Variants in GMDS observed in about 807,000 individuals in gnomAD.
GMDS encodes GDP-mannose 4,6-dehydratase.
Under a neutral mutation model 49.9 loss-of-function variants are expected in GMDS, and 20 were observed. The ratio of observed to expected loss-of-function variants is 0.40; its 90% CI spans 0.28 to 0.58. The LOEUF (loss-of-function observed/expected upper bound fraction) is 0.58. GMDS is among the 20% of genes least tolerant of loss of function. The pLI, the probability that GMDS is intolerant of heterozygous loss-of-function variation, is 0.42. For synonymous variants in GMDS, 177 were observed against 178.6 expected (o/e 0.99, Z 0.07); for missense variants, 362 against 481.4 (o/e 0.75, Z 2.32).
At chr6:1,705,870 C>T (rs115745686) in intron 9 of GMDS, among the ~76,000 whole-genome samples, 1,549 of 152,270 alleles carry the variant, frequency 0.01, 32 homozygotes, top group African/African-American at 0.033. Context: ...GGCGGCTGGG[C>T]ACCCAGCAAT....
At chr6:1,924,391 G>A (rs1761888414) in intron 7 of GMDS, among the ~76,000 whole-genome samples, 1 of 152,146 alleles carries the variant, frequency 6.6e-6, no homozygotes, top group African/African-American at 2.4e-5. Context: ...GCTGTAGCAG[G>A]AAAACCTCTT....
intron 6 of GMDS, among the ~76,000 whole-genome samples, chr6:1,934,033 A>C (rs1391510155): frequency 6.6e-6 from 1 of 152,100 alleles, no homozygotes; most frequent in Non-Finnish European, 1.5e-5. Context: ...ATTTTTGATC[A>C]ATTTTTAGTA....
At chr6:1,647,785 G>T (rs1423833338) in intron 9 of GMDS, among the ~76,000 whole-genome samples, 1 of 152,150 alleles carries the variant, frequency 6.6e-6, no homozygotes, top group Non-Finnish European at 1.5e-5. Context: ...GGCCGGAGTG[G>T]GGGAAGGACA....
chr6:2,027,779 A>G (rs893833178), intron 4 of GMDS, among the ~76,000 whole-genome samples: 1 of 152,224 alleles, frequency 6.6e-6, no homozygotes, highest in Non-Finnish European at 1.5e-5. Flanking sequence ...TATTAAAAAT[A>G]TATTTTTAAC....
intron 4 of GMDS, among the ~76,000 whole-genome samples, chr6:2,073,283 A>AC (rs1469688273): frequency 6.6e-6 from 1 of 152,240 alleles, no homozygotes; most frequent in Non-Finnish European, 1.5e-5. Flanking sequence ...AAAAGAAGCC[A>AC]CTTACCAGAT....
intron 7 of GMDS, among the ~76,000 whole-genome samples, chr6:1,837,508 A>C (rs1402445687): frequency 6.6e-6 from 1 of 152,106 alleles, no homozygotes; most frequent in Non-Finnish European, 1.5e-5. Context: ...AGTGTTGGTA[A>C]GTGTGGTGTA....
intron 7 of GMDS, among the ~76,000 whole-genome samples, chr6:1,856,280 T>C (rs912310): frequency 0.21 from 31,913 of 152,122 alleles, 4,206 homozygotes; most frequent in Admixed American, 0.32. Flanking sequence ...TCTTTATAAT[T>C]CACACAGGCT....
At chr6:1,676,164 A>T (rs1764616747) in intron 9 of GMDS, among the ~76,000 whole-genome samples, 1 of 152,230 alleles carries the variant, frequency 6.6e-6, no homozygotes, top group Non-Finnish European at 1.5e-5. Context: ...CCAAATCATG[A>T]GTGAACTCCC....
chr6:2,033,519 A>C (rs565356179), intron 4 of GMDS, among the ~76,000 whole-genome samples: 4 of 152,338 alleles, frequency 2.6e-5, no homozygotes, highest in Admixed American at 1.3e-4. Context: ...CTGTCTTCTT[A>C]AACCTTTTGT....
chr6:1,722,257 A>ATTATTATTT (rs1395751269), intron 9 of GMDS, among the ~76,000 whole-genome samples: 2 of 117,126 alleles, frequency 1.7e-5, no homozygotes, highest in Admixed American at 9.5e-5. Flanking sequence ...TAGTAGTAGT[A>ATTATTATTT]GTAGTATTTT....
At position 2,104,231 on chromosome 6, in the gene GMDS, G is replaced by C. The variant is rs183836957; in HGVS notation, c.345+11540C>G. Among the ~76,000 whole-genome samples the C allele has an allele frequency of 4.6e-5, 7 of 152,280 alleles. No individual in the cohort carries two copies. The East Asian group carries it at 9.7e-4, about 21-fold the overall frequency. ...TTAGCTGATTTCAATCATCTTACAGGAGTGGATGACATACCTTAAAAGATT... is the reference window on the plus strand; with the variant it reads ...TTAGCTGATTTCAATCATCTTACAGCAGTGGATGACATACCTTAAAAGATT... On this transcript the variant is annotated intron_variant, in intron 4 of 10. Transcript: ENST00000380815.
At chr6:1,950,068 T>C (rs950646618) in intron 6 of GMDS, among the ~76,000 whole-genome samples, 3 of 152,370 alleles carry the variant, frequency 2.0e-5, no homozygotes, top group Non-Finnish European at 4.4e-5. Flanking sequence ...TTAAAGATTA[T>C]TTTATTTAGA....
intron 7 of GMDS, among the ~76,000 whole-genome samples, chr6:1,812,161 G>C (rs1770456760): frequency 6.6e-6 from 1 of 152,170 alleles, no homozygotes; most frequent in Non-Finnish European, 1.5e-5. Flanking sequence ...ACTCACAGAG[G>C]CAACATTTTA....
At chr6:1,804,164 T>C (rs752055783) in intron 7 of GMDS, among the ~76,000 whole-genome samples, 6 of 152,274 alleles carry the variant, frequency 3.9e-5, no homozygotes, top group Non-Finnish European at 8.8e-5. Flanking sequence ...GTTTCCTTTT[T>C]GTCTTCATTC....
intron 4 of GMDS, among the ~76,000 whole-genome samples, chr6:2,035,884 A>C (rs980217191): frequency 1.3e-5 from 2 of 152,006 alleles, no homozygotes; most frequent in Admixed American, 1.3e-4. Flanking sequence ...ACGGGGTTTC[A>C]CCATGTTGGC....
chr6:1,787,369 T>C (rs1769366073), intron 7 of GMDS, among the ~76,000 whole-genome samples: 1 of 152,202 alleles, frequency 6.6e-6, no homozygotes, highest in Admixed American at 6.5e-5. Flanking sequence ...TTTTATTTAA[T>C]GAGTCTCCAC....
chr6:1,705,259 C>T (rs529495042), intron 9 of GMDS, among the ~76,000 whole-genome samples: 8 of 152,258 alleles, frequency 5.3e-5, no homozygotes, highest in African/African-American at 1.2e-4. Context: ...CCAAAGCCTC[C>T]GGAGAGCTTG....
intron 7 of GMDS, among the ~76,000 whole-genome samples, chr6:1,818,832 C>T (rs1770775676): frequency 6.6e-6 from 1 of 151,998 alleles, no homozygotes; most frequent in Non-Finnish European, 1.5e-5. Flanking sequence ...GTTTAAACTC[C>T]AGGTCCACTA....
intron 6 of GMDS, among the ~76,000 whole-genome samples, chr6:1,948,782 T>C (rs553103259): frequency 5.3e-5 from 8 of 152,356 alleles, no homozygotes; most frequent in African/African-American, 1.2e-4. Context: ...CTAATTCAAA[T>C]GTTAACTGGT....
Sources: gnomAD v4.1 joint callset for allele counts (sites outside exome capture counted in the v4.1 genomes callset) on GRCh38, gnomAD v4.1.1 for gene constraint, MANE v1.5 for transcripts, NCBI Gene and HGNC (gene_info 2026-07-23, HGNC 2026-07-21) for gene names.